The following DENND2B variants were observed in gnomAD, a reference collection of about 807,000 sequenced individuals.
DENND2B encodes the protein DENN domain containing 2B.
Under a neutral mutation model 116.0 loss-of-function variants are expected in DENND2B, and 32 were observed. The observed-to-expected ratio is 0.28, with a 90% CI of 0.21 to 0.37. The LOEUF (loss-of-function observed/expected upper bound fraction) is 0.37. Among genes scored for constraint, DENND2B ranks in the 10% least tolerant of loss-of-function variants. The pLI is 1.00. For missense variants in DENND2B, 1,276 were observed against 1,477.7 expected, an observed-to-expected ratio of 0.86 and a Z score of 2.24; for synonymous variants, 588 against 583.9, an observed-to-expected ratio of 1.01 and a Z score of -0.10.
At chr11:8,801,537 C>T (rs1190573845) in intron 1 of DENND2B, among the ~76,000 whole-genome samples, 1 of 151,754 alleles carries the variant, frequency 6.6e-6, no homozygotes, top group Non-Finnish European at 1.5e-5. Context: ...ATTAGCTGGG[C>T]ATGGCAGCAT....
chr11:8,778,633 C>G (rs2058010566), intron 1 of DENND2B, among the ~76,000 whole-genome samples: 1 of 152,276 alleles, frequency 6.6e-6, no homozygotes, highest in Non-Finnish European at 1.5e-5. Context: ...CAGCTCCAAT[C>G]TACCATGTGT....
chr11:8,825,371 G>T (rs1423236101), intron 4 of DENND2B, among the ~76,000 whole-genome samples: 8 of 148,482 alleles, frequency 5.4e-5, no homozygotes, highest in Admixed American at 1.3e-4. Flanking sequence ...TTAAAAATGG[G>T]TTTTTTTTTT....
intron 2 of DENND2B, among the ~76,000 whole-genome samples, chr11:8,865,478 G>C (rs2063543513): frequency 6.6e-6 from 1 of 152,098 alleles, no homozygotes; most frequent in African/African-American, 2.4e-5. Context: ...AGAGAGACTT[G>C]TTAAGGAAAA....
Position 8,714,724 on chromosome 11 carries a change from G to A in DENND2B, c.1846-18C>T, listed in dbSNP as rs780522286. On this transcript the variant is annotated intron_variant, in intron 6 of 19. Coordinates refer to ENST00000313726, the MANE Select transcript of DENND2B (RefSeq NM_213618.2). ...TGGACAAGCTGGGTGAGAAAAGCAG[G>A]ATGGGTGAGGTAACCTTAACACCAG... The A allele has an allele frequency of 3.7e-6, 6 of 1,608,870 alleles. No individual in the cohort carries two copies. Among genetic ancestry groups the A allele is most frequent in the Admixed American group, 3.3e-5 (2 of 59,988 alleles).
chr11:8,783,655 G>A (rs1264527849), intron 1 of DENND2B, among the ~76,000 whole-genome samples: 1 of 152,134 alleles, frequency 6.6e-6, no homozygotes, highest in African/African-American at 2.4e-5. Context: ...ATTCCTCAAT[G>A]AGCATGTATT....
intron 1 of DENND2B, 104 bp from the exon 2 acceptor site, chr11:8,750,829 C>A: frequency 1.0e-6 from 1 of 991,772 alleles, no homozygotes; most frequent in Non-Finnish European, 1.6e-6. Context: ...GTGTCTGTGG[C>A]AGGTAGTAGA....
At chr11:8,754,852 C>T (rs1001054672) in intron 1 of DENND2B, among the ~76,000 whole-genome samples, 1 of 152,156 alleles carries the variant, frequency 6.6e-6, no homozygotes, top group Non-Finnish European at 1.5e-5. Context: ...CTAGGAGCTG[C>T]CTAGCACTGG....
intron 1 of DENND2B, chr11:8,776,160 G>GCGCGCA (rs1555185787): frequency 7.8e-6 from 3 of 386,790 alleles, no homozygotes; most frequent in South Asian, 1.8e-5. Flanking sequence ...GCGCGCGCGC[G>GCGCGCA]CACACACACA....
chr11:8,841,209 G>A lies in DENND2B; in HGVS notation c.-155-1859C>T, dbSNP rs373296523. On this transcript the variant is annotated intron_variant, in intron 3 of 6. Transcript: ENST00000524757. ...TTTAATTTATTTATTATTTTGATTT[G>A]CAAATGTCTCTTCTTATATGTTGTG... Among the ~76,000 whole-genome samples the A allele has an allele frequency of 1.5e-4, 23 of 151,906 alleles. 2 individuals are homozygous for A. Among genetic ancestry groups the A allele is most frequent in the Admixed American group, 1.0e-3 (16 of 15,262 alleles).
chr11:8,715,799 C>A lies in DENND2B; in HGVS notation c.1649G>T (p.Ser550Ile). The A allele has an allele frequency of 1.9e-6, 3 of 1,603,248 alleles. No individual in the cohort carries two copies. The highest frequency in any genetic ancestry group is 2.7e-5 in the African/African-American group (2 of 74,862). The stretch of plus-strand genomic sequence containing the variant: ...CCAGTTCCCACTGCGCAGGGACTGG[C>A]TGTTGGGTTTCAGGGAAAGCTGGCG... ...PPTQLSLKPN[S>I]QSLRSGNWSE... The change falls in exon 6 of 20, where the codon AGC becomes ATC. Residue 550 changes from serine (S) to isoleucine (I), a missense_variant. Ser to Ile is a moderately radical substitution (Grantham distance 142). Around this residue, in one of 2 missense-constraint regions of DENND2B, gnomAD observed 856 missense variants for 846.6 expected, o/e 1.01. Coordinates refer to ENST00000313726, the MANE Select transcript of DENND2B (RefSeq NM_213618.2).
At chr11:8,892,357 A>G (rs2064044741) in intron 1 of DENND2B, among the ~76,000 whole-genome samples, 1 of 152,332 alleles carries the variant, frequency 6.6e-6, no homozygotes. Flanking sequence ...AAGAGCAAAC[A>G]CATTCAAAAG....
At chr11:8,841,819 A>G (rs1483782600) in intron 3 of DENND2B, among the ~76,000 whole-genome samples, 1 of 152,166 alleles carries the variant, frequency 6.6e-6, no homozygotes, top group Non-Finnish European at 1.5e-5. Context: ...AAACAGTCTG[A>G]GCAACTCCTG....
intron 3 of DENND2B, among the ~76,000 whole-genome samples, chr11:8,729,079 T>C (rs1489683266): frequency 6.6e-6 from 1 of 152,074 alleles, no homozygotes. Flanking sequence ...TGAGATGGGA[T>C]ATGTTAGATG....
At chr11:8,815,309 A>T (rs925705222), upstream of DENND2B, among the ~76,000 whole-genome samples, 6 of 152,246 alleles carry the variant, frequency 3.9e-5, no homozygotes, top group African/African-American at 1.4e-4. Flanking sequence ...CTTACTAAAA[A>T]GAATTTTGAA....
chr11:8,841,063 A>G (rs2062606714), intron 3 of DENND2B, among the ~76,000 whole-genome samples: 1 of 152,210 alleles, frequency 6.6e-6, no homozygotes, highest in Non-Finnish European at 1.5e-5. Flanking sequence ...ACTGACAAAT[A>G]TCAAGAAACT....
At position 8,712,814 on chromosome 11, in the gene DENND2B, T is replaced by A. The variant is rs148364477; in HGVS notation, c.1988-79A>T. The A allele has an allele frequency of 6.3e-6, 9 of 1,427,046 alleles. No homozygotes were observed. The highest frequency in any genetic ancestry group is 8.5e-6 in the Non-Finnish European group (9 of 1,063,432). 88.4% of individuals were successfully genotyped at this position (1,427,046 alleles called of 1,614,324 possible). Reference sequence around the variant, plus strand: ...CCTCTACCCCTGGCTCAGGGCTCCATTGCTGTGGAGCACTTTTAAGTACGT... The same window carrying A: ...CCTCTACCCCTGGCTCAGGGCTCCAATGCTGTGGAGCACTTTTAAGTACGT... On this transcript the variant is annotated intron_variant, in intron 8 of 19. Transcript: ENST00000313726. This position sits in a 1 kb window ranked among gnomAD's most constrained non-coding sequence, Gnocchi z 4.4.
rs766488796 is a variant in DENND2B at position 8,699,238 on chromosome 11, T to A, written c.2873A>T (p.Lys958Ile). The A allele has an allele frequency of 4.4e-6, 7 of 1,577,302 alleles. No individual in the cohort carries two copies. Among genetic ancestry groups the A allele is most frequent in the African/African-American group, 2.8e-5 (2 of 72,562 alleles). ...LVGLLSSSLP[K>I]LKELPVEEAL... ...CTCCTCCACAGGCAGCTCCTTCAGT[T>A]TGGGGAGGGAGCTGGAGAGCAGGCC... Residue 958 changes from lysine to isoleucine, a missense_variant, in exon 15 of 20, where the codon AAA (lysine) becomes ATA (isoleucine). Transcript: ENST00000313726.
chr11:8,779,797 G>C (rs2058190245), intron 1 of DENND2B, among the ~76,000 whole-genome samples: 1 of 152,180 alleles, frequency 6.6e-6, no homozygotes, highest in South Asian at 2.1e-4. Flanking sequence ...TTACAGGCGT[G>C]AGCCACCACG....
At chr11:8,700,416 G>T (rs1474894540) in intron 14 of DENND2B, among the ~76,000 whole-genome samples, 3 of 152,212 alleles carry the variant, frequency 2.0e-5, no homozygotes, top group Non-Finnish European at 4.4e-5. Flanking sequence ...GTGCTCTATG[G>T]AAAAGTCAGC....
Sources: gnomAD v4.1 joint callset for allele counts (sites outside exome capture counted in the v4.1 genomes callset) on GRCh38, gnomAD v4.1.1 for gene constraint, gnomAD v4.1.1 regional missense constraint, Gnocchi (gnomAD v3.1) non-coding constraint, MANE v1.5 for transcripts, NCBI Gene and HGNC (gene_info 2026-07-23, HGNC 2026-07-21) for gene names.